Variants in HVCN1 observed in about 807,000 individuals in gnomAD.
HVCN1 encodes voltage-gated hydrogen channel 1.
In HVCN1, 14 loss-of-function variants were observed where a neutral mutation model predicts 29.2. That is an observed-to-expected ratio of 0.48 (90% CI 0.32 to 0.75). HVCN1 has a LOEUF of 0.75. HVCN1 is among the 30% of genes least tolerant of loss of function. The pLI, the probability that HVCN1 is intolerant of heterozygous loss-of-function variation, is 0.04. For synonymous variants in HVCN1, 131 were observed against 133.2 expected, an observed-to-expected ratio of 0.98 and a Z score of 0.11; for missense variants, 263 against 341.8, an observed-to-expected ratio of 0.77 and a Z score of 1.82.
At chr12:110,681,162 C>T (rs1051687239) in intron 3 of HVCN1, among the ~76,000 whole-genome samples, 6 of 152,184 alleles carry the variant, frequency 3.9e-5, no homozygotes, top group South Asian at 2.1e-4. Context: ...GACAATTGAT[C>T]GGTTTCAGCC....
chr12:110,651,499 C>G, intron 5 of HVCN1, 51 bp from the exon 6 acceptor site: 1 of 1,256,602 alleles, frequency 8.0e-7, no homozygotes, highest in Non-Finnish European at 1.2e-6. Flanking sequence ...TCTGGGAGGT[C>G]AAGCTGCCCT....
At chr12:110,688,508 C>T (rs1170725911) in intron 2 of HVCN1, 117 bp downstream of exon 2, 1 of 152,376 alleles carries the variant, frequency 6.6e-6, no homozygotes, top group Non-Finnish European at 1.5e-5. Flanking sequence ...TGGGCCTGCT[C>T]ATTGCAGCCT....
Position 110,656,733 on chromosome 12 carries a change from C to T in HVCN1, c.307-1395G>A, listed in dbSNP as rs2068004428. 2.0e-5 allele frequency among the ~76,000 whole-genome samples: 3 copies of T among 152,180 alleles called. 1 individual carries two copies. In the South Asian group the frequency reaches 6.2e-4, roughly 32 times the overall value. On this transcript the variant is annotated intron_variant, in intron 4 of 7. Transcript: ENST00000242607. ...AAGAACAGACTATTAATCCTTTGATCCTTTCAACCTGTAGGTAATTATTTC... is the reference window on the plus strand; with the variant it reads ...AAGAACAGACTATTAATCCTTTGATTCTTTCAACCTGTAGGTAATTATTTC...
At chr12:110,672,265 A>T (rs2068602591) in intron 3 of HVCN1, among the ~76,000 whole-genome samples, 1 of 152,194 alleles carries the variant, frequency 6.6e-6, no homozygotes, top group Non-Finnish European at 1.5e-5. Context: ...GTGTGCCACC[A>T]TGGCTACCTT....
intron 1 of HVCN1, among the ~76,000 whole-genome samples, chr12:110,703,662 G>A (rs1020909575): frequency 6.7e-6 from 1 of 148,222 alleles, no homozygotes; most frequent in South Asian, 2.1e-4. Flanking sequence ...GCCCCACTTT[G>A]TTTATTTATT....
chr12:110,649,167 A>ACAACT lies in HVCN1; in HGVS notation c.*242_*243insAGTTG, dbSNP rs757517445. 5.9e-6 allele frequency: 4 copies of ACAACT among 683,332 alleles called. No homozygotes were observed. The South Asian group carries it at 6.3e-5, about 11-fold the overall frequency. The allele number at this position is 683,332 out of a possible 1,614,324, so 42.3% of individuals were successfully genotyped here. A position where few individuals can be genotyped will look rare whatever the true frequency, so the allele number is the denominator to read the frequency against. ...TGTTGCTCATTTTCAATTAAGGCTA[A>ACAACT]AGTGTTCAACATGAGAAAATGTGAT... On this transcript the variant is annotated 3_prime_UTR_variant, in exon 8 of 8. Transcript: ENST00000242607.
chr12:110,668,231 G>C (rs1385553906), intron 3 of HVCN1, among the ~76,000 whole-genome samples: 1 of 152,186 alleles, frequency 6.6e-6, no homozygotes, highest in Non-Finnish European at 1.5e-5. Flanking sequence ...CCTGGGCATG[G>C]TGACTCACAT....
chr12:110,678,439 CTTTTTTTTTTTTTTTTTTT>C (rs538999674), intron 3 of HVCN1, among the ~76,000 whole-genome samples: 1 of 65,808 alleles, frequency 1.5e-5, no homozygotes, highest in Non-Finnish European at 2.9e-5. Context: ...CATTCTATTT[CTTTTTTTTTTTTTTTTTTT>C]TTTTTTTTTT....
In HVCN1 at chr12:110,667,244, C is replaced by G. The variant is rs570139218; in HGVS notation, c.22-5796G>C. 3.3e-5 allele frequency among the ~76,000 whole-genome samples: 5 copies of G among 152,330 alleles called. No individual in the cohort carries two copies. In the South Asian group the frequency reaches 1.0e-3, roughly 32 times the overall value. ...CCACCTCCTGGGTTCAAGTGATTCT[C>G]CTGCCTCAGCCTCCCGAGTAGCTTG... On this transcript the variant is annotated intron_variant, in intron 3 of 7. Transcript: ENST00000242607.
intron 3 of HVCN1, among the ~76,000 whole-genome samples, chr12:110,671,785 A>C (rs952363625): frequency 2.0e-5 from 3 of 152,204 alleles, no homozygotes; most frequent in Admixed American, 6.5e-5. Context: ...TTTTGCTCAG[A>C]GCCCACCGGT....
At chr12:110,651,668 G>T (rs1169205050) in intron 5 of HVCN1, among the ~76,000 whole-genome samples, 1 of 152,202 alleles carries the variant, frequency 6.6e-6, no homozygotes, top group African/African-American at 2.4e-5. Context: ...AGACCCTTTG[G>T]ACCAGCAATT....
chr12:110,656,442 G>A (rs1296043160), intron 4 of HVCN1, among the ~76,000 whole-genome samples: 1 of 152,168 alleles, frequency 6.6e-6, no homozygotes, highest in East Asian at 1.9e-4. Flanking sequence ...TGATGTTGGC[G>A]AGGGCACTGA....
At chr12:110,699,121 C>G (rs1593556533) in intron 2 of HVCN1, among the ~76,000 whole-genome samples, 3 of 152,206 alleles carry the variant, frequency 2.0e-5, no homozygotes, top group African/African-American at 7.2e-5. Context: ...GAGTGAGACT[C>G]CATCTCAAAA....
At chr12:110,696,531 A>C (rs930520984) in intron 2 of HVCN1, among the ~76,000 whole-genome samples, 4 of 151,912 alleles carry the variant, frequency 2.6e-5, no homozygotes, top group Non-Finnish European at 4.4e-5. Context: ...CCTGGGCAAC[A>C]TAGCAAGACC....
chr12:110,664,417 A>T (rs1232670502), intron 3 of HVCN1, among the ~76,000 whole-genome samples: 1 of 152,224 alleles, frequency 6.6e-6, no homozygotes, highest in East Asian at 1.9e-4. Flanking sequence ...AAAAATGTTA[A>T]ATATATGGAA....
chr12:110,661,054 C>A lies in HVCN1; in HGVS notation c.306+110G>T. On this transcript the variant is annotated intron_variant, in intron 4 of 7. Transcript: ENST00000242607. The surrounding 1 kb of genome is among the most constrained non-coding windows in gnomAD (Gnocchi z 6.2). ...ACGTGGTAGGTGCTGGGCAAACACT[C>A]GTAGAATGAATGAGGCAGTGGCCAA... 9.5e-7 allele frequency: 1 copy of A among 1,052,788 alleles called. No homozygotes were observed. The highest frequency in any genetic ancestry group is 1.4e-6 in the Non-Finnish European group (1 of 709,368). 65.2% of individuals were successfully genotyped at this position (1,052,788 alleles called of 1,614,324 possible).
At chr12:110,683,473 T>A (rs1032809400) in intron 2 of HVCN1, among the ~76,000 whole-genome samples, 1 of 152,210 alleles carries the variant, frequency 6.6e-6, no homozygotes, top group Non-Finnish European at 1.5e-5. Flanking sequence ...AAACAAATAC[T>A]TATTTGTACA....
chr12:110,681,250 G>A (rs538628426), intron 3 of HVCN1, among the ~76,000 whole-genome samples: 6 of 152,142 alleles, frequency 3.9e-5, no homozygotes, highest in Admixed American at 2.0e-4. Context: ...TAAGGTGCAC[G>A]CATAGTGTTG....
intron 3 of HVCN1, among the ~76,000 whole-genome samples, chr12:110,670,903 GA>G (rs909960590): frequency 1.3e-5 from 2 of 152,170 alleles, no homozygotes; most frequent in African/African-American, 4.8e-5. Flanking sequence ...TACAAAAAGA[GA>G]AAAGGGGCCA....
Sources: gnomAD v4.1 joint callset for allele counts (sites outside exome capture counted in the v4.1 genomes callset) on GRCh38, gnomAD v4.1.1 for gene constraint, Gnocchi (gnomAD v3.1) non-coding constraint, MANE v1.5 for transcripts, NCBI Gene and HGNC (gene_info 2026-07-23, HGNC 2026-07-21) for gene names.